The following EPB41L3 variants were observed in gnomAD, a reference collection of about 807,000 sequenced individuals.
EPB41L3 encodes the protein erythrocyte membrane protein band 4.1 like 3, also known as band 4.1-like protein 3.
Under a neutral mutation model 127.1 loss-of-function variants are expected in EPB41L3, and 57 were observed. The observed-to-expected ratio is 0.45, with a 90% CI of 0.36 to 0.56. The LOEUF is 0.56. Ranked by LOEUF, EPB41L3 falls within the 20% of genes least tolerant of loss-of-function variation. EPB41L3 has a pLI of 0.00. For synonymous variants in EPB41L3, 572 were observed against 549.5 expected (o/e 1.04, Z -0.57); for missense variants, 1,273 against 1,372.2 (o/e 0.93, Z 1.14).
intron 3 of EPB41L3, among the ~76,000 whole-genome samples, chr18:5,568,947 AT>A (rs1031962071): frequency 1.3e-5 from 2 of 152,246 alleles, no homozygotes; most frequent in African/African-American, 4.8e-5. Flanking sequence ...TTAAGAAACT[AT>A]TTGAAGATTG....
chr18:5,495,240 G>A (rs567791232), intron 1 of EPB41L3, among the ~76,000 whole-genome samples: 2 of 152,254 alleles, frequency 1.3e-5, no homozygotes, highest in South Asian at 4.2e-4. Flanking sequence ...TTAAGATTAT[G>A]TAAGAAGCAG....
chr18:5,427,809 G>C (rs989686866), intron 9 of EPB41L3, among the ~76,000 whole-genome samples: 1 of 151,768 alleles, frequency 6.6e-6, no homozygotes, highest in Non-Finnish European at 1.5e-5. Flanking sequence ...GCAGTGGCAC[G>C]ATCTCGGCTC....
chr18:5,565,537 G>A, intron 3 of EPB41L3, among the ~76,000 whole-genome samples: 1 of 151,104 alleles, frequency 6.6e-6, no homozygotes, highest in East Asian at 2.0e-4. Context: ...CATGTGCCAT[G>A]TTGGTGTGCT....
chr18:5,499,394 C>T (rs936639208), intron 1 of EPB41L3, among the ~76,000 whole-genome samples: 5 of 152,168 alleles, frequency 3.3e-5, no homozygotes, highest in African/African-American at 1.2e-4. Context: ...CCTACAGTTG[C>T]ATGTTGCCAA....
chr18:5,496,566 A>T (rs1436255286), intron 1 of EPB41L3, among the ~76,000 whole-genome samples: 1 of 152,226 alleles, frequency 6.6e-6, no homozygotes, highest in Non-Finnish European at 1.5e-5. Context: ...CTGTTCTAGG[A>T]TCTCTGCACT....
rs2081188207 is a variant in EPB41L3, at chr18:5,444,331, G to C, written c.487-451C>G. Among the ~76,000 whole-genome samples, 4 of 152,286 alleles carry C rather than the reference G, an allele frequency of 2.6e-5. No homozygotes were observed. In the South Asian group the frequency reaches 8.3e-4, roughly 32 times the overall value. On this transcript the variant is annotated intron_variant, in intron 4 of 22. Coordinates refer to ENST00000341928, the MANE Select transcript of EPB41L3 (RefSeq NM_012307.5). ...AAGCTTCCCTAACAAATCAATAGTTGCCTGTGATTTCCGATTTTCCTCATT... is the reference window on the plus strand; with the variant it reads ...AAGCTTCCCTAACAAATCAATAGTTCCCTGTGATTTCCGATTTTCCTCATT...
intron 16 of EPB41L3, among the ~76,000 whole-genome samples, chr18:5,404,359 G>A (rs543528983): frequency 6.6e-6 from 1 of 152,294 alleles, no homozygotes; most frequent in East Asian, 1.9e-4. Flanking sequence ...CCCTGCAGAC[G>A]CTGAAAGCAG....
chr18:5,412,944 G>A (rs1374253335), intron 13 of EPB41L3, among the ~76,000 whole-genome samples: 1 of 150,716 alleles, frequency 6.6e-6, no homozygotes, highest in Non-Finnish European at 1.5e-5. Flanking sequence ...TACACAAATA[G>A]CATAGTCCAC....
chr18:5,447,502 A>G (rs975831356), intron 3 of EPB41L3, among the ~76,000 whole-genome samples: 2 of 146,420 alleles, frequency 1.4e-5, no homozygotes, highest in African/African-American at 2.6e-5. Flanking sequence ...AGAAAAATAC[A>G]TATCAGTGTC....
intron 1 of EPB41L3, among the ~76,000 whole-genome samples, chr18:5,497,570 G>C (rs923861120): frequency 6.6e-6 from 1 of 152,156 alleles, no homozygotes; most frequent in African/African-American, 2.4e-5. Flanking sequence ...GTTTCCAATA[G>C]GCCCTAAGGC....
chr18:5,481,030 A>G (rs1471737435), intron 2 of EPB41L3: 3 of 152,226 alleles, frequency 2.0e-5, no homozygotes, highest in Non-Finnish European at 2.9e-5. Flanking sequence ...AAGAAAAGGT[A>G]AAAGAAAACC....
At chr18:5,623,715 TTGGCTCACTGCAACCTC>T (rs1451254938) in intron 1 of EPB41L3, among the ~76,000 whole-genome samples, 8 of 152,040 alleles carry the variant, frequency 5.3e-5, no homozygotes, top group Admixed American at 5.2e-4. Flanking sequence ...TGGTGCAATC[TTGGCTCACTGCAACCTC>T]TGCCTCCCAA....
At chr18:5,619,343 T>C (rs1159997517) in intron 1 of EPB41L3, among the ~76,000 whole-genome samples, 2 of 152,342 alleles carry the variant, frequency 1.3e-5, no homozygotes, top group Admixed American at 6.5e-5. Context: ...TGTATGAAAA[T>C]GGCTCTTTTC....
chr18:5,564,046 C>T (rs1398903601), intron 3 of EPB41L3, among the ~76,000 whole-genome samples: 2 of 152,094 alleles, frequency 1.3e-5, no homozygotes, highest in African/African-American at 4.8e-5. Flanking sequence ...AGAGAGACAG[C>T]AGATCTAACT....
intron 3 of EPB41L3, among the ~76,000 whole-genome samples, chr18:5,465,117 C>T (rs2084723420): frequency 6.6e-6 from 1 of 152,230 alleles, no homozygotes; most frequent in Admixed American, 6.5e-5. Context: ...TGTCTAATCT[C>T]AGCAGGTTCA....
rs374079633 is a variant in EPB41L3 at position 5,528,169 on chromosome 18, T to G, written c.-12+15744A>C. Among the ~76,000 whole-genome samples the G allele has an allele frequency of 9.2e-5, 14 of 151,816 alleles. No individual in the cohort carries two copies. The East Asian group carries it at 2.7e-3, about 29-fold the overall frequency. On this transcript the variant is annotated intron_variant, in intron 1 of 22. Coordinates refer to ENST00000341928, the MANE Select transcript of EPB41L3 (RefSeq NM_012307.5). ...AGGGGATTTAGCAATTTAGGGTTGT[T>G]TTTATTTTATTTATTTGAGACAGGA...
At chr18:5,583,703 G>A (rs1362718644) in intron 3 of EPB41L3, among the ~76,000 whole-genome samples, 1 of 151,982 alleles carries the variant, frequency 6.6e-6, no homozygotes, top group Non-Finnish European at 1.5e-5. Flanking sequence ...AAATTGATGG[G>A]GTAATCATAC....
At chr18:5,396,364 T>C in intron 18 of EPB41L3, 32 bp from the exon 19 acceptor site, 4 of 1,613,354 alleles carry the variant, frequency 2.5e-6, no homozygotes, top group Non-Finnish European at 3.4e-6. Flanking sequence ...AGAGTGGCTG[T>C]TATAGTTTGC....
intron 3 of EPB41L3, chr18:5,610,164 C>T (rs1267600952): frequency 2.0e-6 from 2 of 985,276 alleles, no homozygotes; most frequent in Non-Finnish European, 2.4e-6. Context: ...CACGTCCCAA[C>T]AAGCAAAGGT....
Sources: gnomAD v4.1 joint callset for allele counts (sites outside exome capture counted in the v4.1 genomes callset) on GRCh38, gnomAD v4.1.1 for gene constraint, MANE v1.5 for transcripts, NCBI Gene and HGNC (gene_info 2026-07-23, HGNC 2026-07-21) for gene names.